CEP120: variants seen among roughly 807,000 people sequenced by gnomAD.
CEP120 encodes centrosomal protein 120, also known as centrosomal protein of 120 kDa.
A neutral mutation model predicts 126.5 loss-of-function variants in CEP120; 113 were observed. The observed-to-expected ratio is 0.89, with a 90% CI of 0.77 to 1.04. The LOEUF (loss-of-function observed/expected upper bound fraction) is 1.04. Ranked by LOEUF, CEP120 falls within the 50% of genes least tolerant of loss-of-function variation. The probability of loss-of-function intolerance (pLI) is 0.00; values close to 1 mark genes in which losing one functional copy is unlikely to be tolerated. For synonymous variants in CEP120, 400 were observed against 394.3 expected, an observed-to-expected ratio of 1.01 and a Z score of -0.17; for missense variants, 1,230 against 1,155.7, an observed-to-expected ratio of 1.06 and a Z score of -0.93.
chr5:123,401,127 A>G lies in CEP120; in HGVS notation c.464-1843T>C, dbSNP rs539729937. 757 of 1,603,922 alleles carry G rather than the reference A, an allele frequency of 4.7e-4. 1 individual carries two copies. The Middle Eastern group carries it at 5.3e-3, about 11-fold the overall frequency. ...CTTCGTATGAATACTCATGTTCTGCATCCCAGACTCCAGCCGGCTCTCCTC... is the reference window on the plus strand; with the variant it reads ...CTTCGTATGAATACTCATGTTCTGCGTCCCAGACTCCAGCCGGCTCTCCTC... On this transcript the variant is annotated intron_variant, in intron 4 of 19. Coordinates refer to ENST00000306467, the MANE Select transcript of CEP120 (RefSeq NM_001375405.1).
intron 2 of CEP120, among the ~76,000 whole-genome samples, chr5:123,416,443 C>T (rs868185186): frequency 1.4e-4 from 22 of 151,940 alleles, no homozygotes; most frequent in African/African-American, 4.3e-4. Flanking sequence ...TGGTGCCACG[C>T]GCCTGTAATC....
Position 123,358,662 on chromosome 5 carries a change from A to G in CEP120, c.2580+5834T>C, listed in dbSNP as rs553505583. 7.4e-4 allele frequency among the ~76,000 whole-genome samples: 111 copies of G among 150,444 alleles called. 1 individual carries two copies. Among genetic ancestry groups the G allele is most frequent in the African/African-American group, 2.6e-3 (106 of 40,864 alleles). Reference sequence around the variant, plus strand: ...TAAGAAAATCCTTTAAATGCTTTGAATTTTTAATCAAGTATAGGGCATTAA... The same window carrying G: ...TAAGAAAATCCTTTAAATGCTTTGAGTTTTTAATCAAGTATAGGGCATTAA... On this transcript the variant is annotated intron_variant, in intron 18 of 19. Transcript: ENST00000306467.
chr5:123,348,336 G>A (rs1467379562), intron 19 of CEP120, among the ~76,000 whole-genome samples: 1 of 152,158 alleles, frequency 6.6e-6, no homozygotes, highest in Admixed American at 6.5e-5. Context: ...CACCAAAACA[G>A]TGCTTAGCAA....
At chr5:123,397,791 A>G (rs538408296) in intron 5 of CEP120, among the ~76,000 whole-genome samples, 4 of 152,326 alleles carry the variant, frequency 2.6e-5, no homozygotes, top group African/African-American at 9.6e-5. Context: ...TTCCTCTAAG[A>G]AAGTAAATAA....
chr5:123,389,297 T>C (rs1772231448), intron 8 of CEP120, among the ~76,000 whole-genome samples: 1 of 147,432 alleles, frequency 6.8e-6, no homozygotes, highest in Non-Finnish European at 1.5e-5. Context: ...TTAACAACTG[T>C]TTTCTCCAAA....
chr5:123,400,787 G>C (rs868682252), intron 4 of CEP120: 12 of 669,290 alleles, frequency 1.8e-5, no homozygotes, highest in Middle Eastern at 8.2e-4. Context: ...AAACTCCCCC[G>C]CGGGTGGACT....
chr5:123,371,676 A>C (rs1770866512), intron 17 of CEP120, among the ~76,000 whole-genome samples: 1 of 152,088 alleles, frequency 6.6e-6, no homozygotes, highest in Non-Finnish European at 1.5e-5. Flanking sequence ...GAACCATAAA[A>C]AGATTCAACT....
At chr5:123,412,108 C>G (rs1424748296) in intron 4 of CEP120, among the ~76,000 whole-genome samples, 1 of 152,190 alleles carries the variant, frequency 6.6e-6, no homozygotes, top group Non-Finnish European at 1.5e-5. Flanking sequence ...TCATTTTGGG[C>G]TTTCCTGTAC....
intron 3 of CEP120, among the ~76,000 whole-genome samples, chr5:123,414,333 G>A (rs1297418299): frequency 1.3e-5 from 2 of 152,184 alleles, no homozygotes; most frequent in Non-Finnish European, 2.9e-5. Context: ...TGGCAGAGAG[G>A]CAGTGAGTAC....
chr5:123,360,395 T>C (rs1769988674), intron 18 of CEP120, among the ~76,000 whole-genome samples: 1 of 151,912 alleles, frequency 6.6e-6, no homozygotes, highest in Non-Finnish European at 1.5e-5. Context: ...CAATGATTCC[T>C]AGTGACCTCA....
Position 123,372,775 on chromosome 5 carries a change from G to A in CEP120, c.2359-3C>T. ...TACTTATTTTCAGCATCATTAAGCT[G>A]TATTAAAAAAAGTTTAGCCATTTCA... On this transcript the variant is annotated splice_polypyrimidine_tract_variant and splice_region_variant and intron_variant, in intron 16 of 19. Transcript: ENST00000306467. 6.3e-7 allele frequency: 1 copy of A among 1,587,732 alleles called. No individual in the cohort carries two copies. The highest frequency in any genetic ancestry group is 1.8e-5 in the Admixed American group (1 of 54,596).
intron 5 of CEP120, 71 bp from the exon 6 acceptor site, chr5:123,393,568 C>A: frequency 7.9e-7 from 1 of 1,259,614 alleles, no homozygotes; most frequent in South Asian, 1.3e-5. Context: ...GTATCTATTA[C>A]ATTCCAAAAA....
Position 123,378,573 on chromosome 5 carries a change from G to GA in CEP120, c.2104-146dup, listed in dbSNP as rs1771427231. 2.3e-5 allele frequency: 11 copies of GA among 483,866 alleles called. No individual in the cohort carries two copies. The East Asian group carries it at 2.4e-4, about 11-fold the overall frequency. 30.0% of individuals were successfully genotyped at this position (483,866 alleles called of 1,614,324 possible). ...CACAAATTACATCCGCCAATTCAAA[G>GA]AAAAAAATGTGCTTTTATGAATTTG... On this transcript the variant is annotated intron_variant, in intron 14 of 19. Coordinates refer to ENST00000306467, the MANE Select transcript of CEP120 (RefSeq NM_001375405.1).
chr5:123,394,620 A>C (rs552777788), intron 5 of CEP120, among the ~76,000 whole-genome samples: 39 of 152,374 alleles, frequency 2.6e-4, no homozygotes, highest in African/African-American at 9.1e-4. Flanking sequence ...GCTTAAAAAA[A>C]TTACAGGACA....
rs1459851938 is a variant in CEP120 at position 123,346,103 on chromosome 5, C to T, written c.*416G>A. On this transcript the variant is annotated 3_prime_UTR_variant, in exon 20 of 20. Transcript: ENST00000306467. ...TTAAACTGGTTACAATTGGTCTCAA[C>T]TTTTAAGAATTTACATTCAAATGGA... 2 of 156,116 alleles carry T rather than the reference C, an allele frequency of 1.3e-5. No individual in the cohort carries two copies. Among genetic ancestry groups the T allele is most frequent in the East Asian group, 1.9e-4 (1 of 5,328 alleles). The allele number at this position is 156,116 out of a possible 1,614,324, so 9.7% of individuals were successfully genotyped here.
rs370142490 is a variant in CEP120 at position 123,416,027 on chromosome 5, C to A, written c.304G>T (p.Ala102Ser). ...IGYIVLDLRT[A>S]QETKQAPKWY... Reference sequence around the variant, plus strand: ...GGCAATACCTGCTTTGTTTCTTGAGCGGTTCTTAAATCCAGAACGATGTAA... The same window carrying A: ...GGCAATACCTGCTTTGTTTCTTGAGAGGTTCTTAAATCCAGAACGATGTAA... Residue 102 changes from alanine (A) to serine (S), a missense_variant, in exon 3 of 20, where the codon GCT becomes TCT. Transcript: ENST00000306467. The A allele has an allele frequency of 6.2e-7, 1 of 1,611,912 alleles. No homozygotes were observed. Among genetic ancestry groups the A allele is most frequent in the Admixed American group, 1.7e-5 (1 of 59,910 alleles).
chr5:123,390,459 T>C (rs896081272), intron 7 of CEP120: 36 of 401,436 alleles, frequency 9.0e-5, no homozygotes, highest in Middle Eastern at 7.0e-4. Flanking sequence ...TGGAGAACTA[T>C]ACTCCTAAAG....
chr5:123,408,983 G>T (rs546769176), intron 4 of CEP120, among the ~76,000 whole-genome samples: 1 of 152,248 alleles, frequency 6.6e-6, no homozygotes, highest in East Asian at 1.9e-4. Context: ...GAGGTGGGAG[G>T]ATCACTTGAG....
intron 5 of CEP120, among the ~76,000 whole-genome samples, chr5:123,393,949 C>T (rs774015675): frequency 6.6e-6 from 1 of 151,972 alleles, no homozygotes; most frequent in Non-Finnish European, 1.5e-5. Flanking sequence ...TTGAGGTCTC[C>T]GATAAAGTTT....
Sources: gnomAD v4.1 joint callset for allele counts (sites outside exome capture counted in the v4.1 genomes callset) on GRCh38, gnomAD v4.1.1 for gene constraint, MANE v1.5 for transcripts, NCBI Gene and HGNC (gene_info 2026-07-23, HGNC 2026-07-21) for gene names.